The following EDDM13 variants were observed in gnomAD, a reference collection of about 807,000 sequenced individuals.
EDDM13 encodes epididymal protein 13.
A neutral mutation model predicts 17.8 loss-of-function variants in EDDM13; 24 were observed. The observed-to-expected ratio is 1.35, with a 90% CI of 0.98 to 1.90. The LOEUF is 1.90. Among genes scored for constraint, EDDM13 ranks in the 40% most tolerant of loss-of-function variants. The pLI, the probability that EDDM13 is intolerant of heterozygous loss-of-function variation, is 0.00. For synonymous variants in EDDM13, 31 were observed against 37.5 expected (o/e 0.83, Z 0.63); for missense variants, 97 against 100.8 (o/e 0.96, Z 0.16).
intron 5 of EDDM13, among the ~76,000 whole-genome samples, 159 bp from the exon 6 acceptor site, chr19:56,284,839 G>A (rs1457090774): frequency 6.6e-6 from 1 of 152,150 alleles, no homozygotes; most frequent in Non-Finnish European, 1.5e-5. Context: ...AGGTAGGAAA[G>A]GGGATTAAGT....
intron 6 of EDDM13, among the ~76,000 whole-genome samples, chr19:56,287,941 G>A (rs2147125875): frequency 6.6e-6 from 1 of 152,346 alleles, no homozygotes; most frequent in South Asian, 2.1e-4. Flanking sequence ...TGTTAGCTCT[G>A]AAACTCTCGC....
At chr19:56,281,817 C>A in intron 3 of EDDM13, 119 bp downstream of exon 3, 1 of 449,582 alleles carries the variant, frequency 2.2e-6, no homozygotes, top group Non-Finnish European at 2.9e-6. Context: ...GGGGCAGATT[C>A]AGATGTCCTC....
At chr19:56,295,369 G>A (rs764299166) in intron 9 of EDDM13, among the ~76,000 whole-genome samples, 1 of 151,986 alleles carries the variant, frequency 6.6e-6, no homozygotes, top group Non-Finnish European at 1.5e-5. Context: ...TGATGCGGGC[G>A]GATCACCTCA....
chr19:56,283,543 C>G (rs1242907580), intron 4 of EDDM13: 1 of 152,162 alleles, frequency 6.6e-6, no homozygotes, highest in Non-Finnish European at 1.5e-5. Flanking sequence ...TTCAGTGATA[C>G]CGAGAAAGGT....
intron 13 of EDDM13, 104 bp downstream of exon 13, chr19:56,302,199 A>C: frequency 1.3e-6 from 1 of 766,454 alleles, no homozygotes; most frequent in Non-Finnish European, 1.8e-6. Flanking sequence ...AGAGGTGCCA[A>C]GCAGGAAGTG....
chr19:56,297,659 A>T, intron 12 of EDDM13, 128 bp downstream of exon 12: 3 of 414,288 alleles, frequency 7.2e-6, no homozygotes, highest in Non-Finnish European at 9.7e-6. Flanking sequence ...GGTACCTGAG[A>T]GGCTGCCTTC....
At chr19:56,276,367 A>G (rs1439168961) in intron 2 of EDDM13, among the ~76,000 whole-genome samples, 2 of 152,178 alleles carry the variant, frequency 1.3e-5, no homozygotes, top group East Asian at 1.9e-4. Context: ...AAGAGCATTT[A>G]TCAGGGAAGA....
At chr19:56,283,688 G>A (rs567193967) in intron 4 of EDDM13, 1 of 152,160 alleles carries the variant, frequency 6.6e-6, no homozygotes. Flanking sequence ...AAGTCAGAGA[G>A]ATCTGAGTTT....
intron 13 of EDDM13, chr19:56,302,775 G>C (rs1233052586): frequency 3.0e-5 from 12 of 397,144 alleles, no homozygotes; most frequent in Non-Finnish European, 5.3e-5. Flanking sequence ...ACAGCCCCAG[G>C]GGCTCCTTTG....
chr19:56,276,534 T>TATTA (rs149264430), intron 2 of EDDM13, among the ~76,000 whole-genome samples: 1 of 141,264 alleles, frequency 7.1e-6, no homozygotes, highest in East Asian at 2.0e-4. Flanking sequence ...TGAGGGTTAT[T>TATTA]TTTATTTATT....
At chr19:56,302,319 T>TC (rs1158862724) in intron 13 of EDDM13, among the ~76,000 whole-genome samples, 4 of 127,326 alleles carry the variant, frequency 3.1e-5, no homozygotes, top group Admixed American at 8.3e-5. Flanking sequence ...TCTCCCTCCC[T>TC]CCCTCCCCTT....
intron 13 of EDDM13, among the ~76,000 whole-genome samples, chr19:56,302,363 T>G (rs1295165105): frequency 7.4e-6 from 1 of 134,572 alleles, no homozygotes; most frequent in East Asian, 2.6e-4. Context: ...TTTTCTTCCC[T>G]CCCTTACTTC....
At chr19:56,285,397 C>G (rs1050890589) in intron 6 of EDDM13, among the ~76,000 whole-genome samples, 4 of 152,196 alleles carry the variant, frequency 2.6e-5, no homozygotes, top group African/African-American at 9.7e-5. Flanking sequence ...AATAGTCATA[C>G]ACATGTATGT....
intron 2 of EDDM13, among the ~76,000 whole-genome samples, chr19:56,280,142 T>G (rs1422726814): frequency 3.3e-5 from 5 of 152,210 alleles, no homozygotes; most frequent in Non-Finnish European, 7.3e-5. Context: ...TATTTATATA[T>G]TCAAAGTCCT....
intron 1 of EDDM13, among the ~76,000 whole-genome samples, chr19:56,275,885 A>G (rs945319901): frequency 6.6e-6 from 1 of 152,234 alleles, no homozygotes; most frequent in Non-Finnish European, 1.5e-5. Flanking sequence ...TGGATGGATG[A>G]TGAACGAATG....
At chr19:56,300,817 A>T (rs1423807678) in intron 12 of EDDM13, among the ~76,000 whole-genome samples, 1 of 152,114 alleles carries the variant, frequency 6.6e-6, no homozygotes, top group Non-Finnish European at 1.5e-5. Context: ...AAAAAATGAG[A>T]TTTTCTGAAT....
intron 14 of EDDM13, among the ~76,000 whole-genome samples, chr19:56,308,390 C>A (rs149988197): frequency 0.052 from 7,782 of 150,846 alleles, 251 homozygotes; most frequent in South Asian, 0.11. Context: ...GTGGCCCAAT[C>A]TCAGCTCACT....
intron 9 of EDDM13, among the ~76,000 whole-genome samples, chr19:56,294,571 T>C (rs2039734404): frequency 6.6e-6 from 1 of 152,220 alleles, no homozygotes; most frequent in Non-Finnish European, 1.5e-5. Context: ...TGCCACTCAC[T>C]ACTCAATGCT....
At chr19:56,297,970 G>A (rs2039985484) in intron 12 of EDDM13, 1 of 151,984 alleles carries the variant, frequency 6.6e-6, no homozygotes, top group Non-Finnish European at 1.5e-5. Flanking sequence ...AGCTACCCGG[G>A]AGGCTGAGGC....
Sources: allele counts gnomAD v4.1 joint callset (sites outside exome capture counted in the v4.1 genomes callset), GRCh38; gene constraint gnomAD v4.1.1; transcripts MANE v1.5; gene names NCBI Gene and HGNC (gene_info 2026-07-23, HGNC 2026-07-21).